LRRC56: variants seen among roughly 807,000 people sequenced by gnomAD.
LRRC56 encodes the protein leucine rich repeat containing 56.
LRRC56 carries 41 observed loss-of-function variants against 47.8 expected under a neutral mutation model. The ratio of observed to expected loss-of-function variants is 0.86; its 90% CI spans 0.67 to 1.11. LRRC56 has a LOEUF of 1.11. Ranked by LOEUF, LRRC56 falls within the 50% of genes most tolerant of loss-of-function variation. The probability of loss-of-function intolerance (pLI) is 0.00; values close to 1 mark genes in which losing one functional copy is unlikely to be tolerated. For synonymous variants in LRRC56, 387 were observed against 311.2 expected (o/e 1.24, Z -2.56); for missense variants, 759 against 704.2 (o/e 1.08, Z -0.88).
chr11:540,784 C>A lies in LRRC56; in HGVS notation c.100C>A (p.Gln34Lys). The A allele has an allele frequency of 6.2e-7, 1 of 1,608,766 alleles. No homozygotes were observed. The highest frequency in any genetic ancestry group is 1.7e-5 in the Admixed American group (1 of 59,342). ...SWQGLHNPCPQSKGPGSQRDR... is the reference protein window; with the variant it reads ...SWQGLHNPCPKSKGPGSQRDR... ...GCAAGGCCTGCACAACCCCTGCCCACAGAGCAAGGGCCCTGGCAGTCAGAG... is the reference window on the plus strand; with the variant it reads ...GCAAGGCCTGCACAACCCCTGCCCAAAGAGCAAGGGCCCTGGCAGTCAGAG... Residue 34 changes from glutamine (Q) to lysine (K), a missense_variant, in exon 4 of 14, where the codon CAG becomes AAG. By Grantham distance (53) the Gln-to-Lys change is moderately conservative. Transcript: ENST00000270115.
At chr11:533,834 G>C (rs372223975), upstream of LRRC56, 1 of 1,613,332 alleles carries the variant, frequency 6.2e-7, no homozygotes, top group Non-Finnish European at 8.5e-7. Context: ...AGCCCTCCCC[G>C]GTGCGCATGT....
At chr11:507,405 G>T in the LRRC56 span, 1 of 151,632 alleles carries the variant, frequency 6.6e-6, no homozygotes, top group East Asian at 1.9e-4. Flanking sequence ...CTGGTGGGGC[G>T]TGGCTCGGTG....
chr11:523,676 T>TA, the LRRC56 span, among the ~76,000 whole-genome samples: 1 of 149,734 alleles, frequency 6.7e-6, no homozygotes, highest in Admixed American at 6.7e-5. Flanking sequence ...CTCACGCCTA[T>TA]AATTCCAGCA....
chr11:511,838 C>G, the LRRC56 span, among the ~76,000 whole-genome samples: 1 of 152,184 alleles, frequency 6.6e-6, no homozygotes, highest in Non-Finnish European at 1.5e-5. Flanking sequence ...GGAAGATATT[C>G]AAAACACCAG....
the LRRC56 span, among the ~76,000 whole-genome samples, chr11:512,953 G>A: frequency 6.6e-6 from 1 of 152,066 alleles, no homozygotes; most frequent in Non-Finnish European, 1.5e-5. Context: ...ATGACCCCAC[G>A]ACCCAAAAGT....
At chr11:513,195 A>T in the LRRC56 span, among the ~76,000 whole-genome samples, 1 of 152,194 alleles carries the variant, frequency 6.6e-6, no homozygotes, top group Non-Finnish European at 1.5e-5. Flanking sequence ...TTTGAATATC[A>T]CGCAGGCTGG....
At chr11:547,615 A>G (rs7925626) in intron 6 of LRRC56, among the ~76,000 whole-genome samples, 13 of 151,002 alleles carry the variant, frequency 8.6e-5, no homozygotes, top group Middle Eastern at 3.4e-3. Context: ...GCCTCCCAAA[A>G]TGCTGGGATT....
upstream of LRRC56, among the ~76,000 whole-genome samples, chr11:535,741 G>A (rs936900345): frequency 1.3e-5 from 2 of 152,114 alleles, no homozygotes; most frequent in Admixed American, 6.5e-5. Context: ...CAGTAGGGCC[G>A]CGGCCTCTCG....
chr11:551,351 C>A, intron 9 of LRRC56, 49 bp downstream of exon 9: 2 of 1,270,062 alleles, frequency 1.6e-6, no homozygotes, highest in Non-Finnish European at 2.2e-6. Context: ...CAGCTCCCCC[C>A]AGGAAGAGGC....
At chr11:510,204 C>T in the LRRC56 span, among the ~76,000 whole-genome samples, 1 of 152,280 alleles carries the variant, frequency 6.6e-6, no homozygotes, top group Admixed American at 6.5e-5. Flanking sequence ...TCATGAGATG[C>T]CATCTAGAGA....
At chr11:533,972 C>T (rs568739285), upstream of LRRC56, 21 of 1,605,424 alleles carry the variant, frequency 1.3e-5, 1 homozygote, top group South Asian at 1.4e-4. Flanking sequence ...TCAGGGACCC[C>T]CTCAGGACCT....
upstream of LRRC56, chr11:532,613 C>T (rs1188621343): frequency 6.2e-7 from 1 of 1,606,134 alleles, no homozygotes; most frequent in South Asian, 1.1e-5. Flanking sequence ...TGGCGGCCGC[C>T]CTGGGAGTCC....
chr11:532,001 A>C, the LRRC56 span, among the ~76,000 whole-genome samples: 2 of 152,190 alleles, frequency 1.3e-5, no homozygotes, highest in African/African-American at 4.8e-5. Flanking sequence ...TAGTTGGTAG[A>C]AGCACAGTAA....
the LRRC56 span, chr11:532,465 TCCTCCTTCCGTCTGCA>T: frequency 2.2e-6 from 2 of 899,838 alleles, no homozygotes; most frequent in Non-Finnish European, 3.4e-6. Context: ...CCTTCCTTCC[TCCTCCTTCCGTCTGCA>T]CCTCCTTCCT....
At chr11:507,903 C>G in the LRRC56 span, among the ~76,000 whole-genome samples, 2 of 152,258 alleles carry the variant, frequency 1.3e-5, no homozygotes, top group African/African-American at 4.8e-5. Context: ...GAGCGCGGTC[C>G]GAGCTGCTCC....
chr11:534,039 G>GC (rs769056797), upstream of LRRC56: 57 of 1,380,304 alleles, frequency 4.1e-5, no homozygotes, highest in Admixed American at 1.2e-4. Flanking sequence ...TGCCCCTCAT[G>GC]CCCCCTCCTC....
chr11:544,767 C>T lies in LRRC56; in HGVS notation c.313C>T (p.Leu105=). ...LDQLKLNGSH[L]GSLRDLGTSL... ...CCAACTGAAGCTGAACGGCAGCCAC[C>T]TGGGCTCCCTGAGGTGAGCGCCTGA... The change falls in exon 6 of 14, where the codon CTG becomes TTG. Residue 105 remains leucine (L), a synonymous_variant. Coordinates refer to ENST00000270115, the MANE Select transcript of LRRC56 (RefSeq NM_198075.4). 1 of 1,611,890 alleles carries T rather than the reference C, an allele frequency of 6.2e-7. No individual in the cohort carries two copies. The highest frequency in any genetic ancestry group is 8.5e-7 in the Non-Finnish European group (1 of 1,179,790).
chr11:554,003 T>G lies in LRRC56; in HGVS notation c.1356T>G (p.Pro452=), dbSNP rs138194233. The G allele has an allele frequency of 7.9e-3, 12,757 of 1,612,090 alleles. 67 individuals are homozygous for G. Among genetic ancestry groups the G allele is most frequent in the Admixed American group, 0.012 (707 of 59,968 alleles). Residue 452 remains proline (P), a synonymous_variant, in exon 14 of 14, where the codon CCT becomes CCG. Coordinates refer to ENST00000270115, the MANE Select transcript of LRRC56 (RefSeq NM_198075.4). ...GTSSQHLVPS[P]PKHPRPRDSG... is the part of the protein sequence containing the mutation. ...CGAGCCAGCACCTGGTCCCTTCACC[T>G]CCCAAGCACCCAAGGCCACGAGATT...
intron 9 of LRRC56, 114 bp from the exon 10 acceptor site, chr11:551,537 G>A: frequency 1.7e-6 from 2 of 1,162,376 alleles, no homozygotes; most frequent in South Asian, 1.6e-5. Flanking sequence ...TGCAGCGTGA[G>A]AGGCCAGCCT....
Sources: gnomAD v4.1 joint callset for allele counts (sites outside exome capture counted in the v4.1 genomes callset) on GRCh38, gnomAD v4.1.1 for gene constraint, MANE v1.5 for transcripts, NCBI Gene and HGNC (gene_info 2026-07-23, HGNC 2026-07-21) for gene names.